The following CSMD3 variants were observed in gnomAD, a reference collection of about 807,000 sequenced individuals.
The protein encoded by CSMD3 is CUB and sushi domain-containing protein 3.
Under a neutral mutation model 435.2 loss-of-function variants are expected in CSMD3, and 177 were observed. The observed-to-expected ratio is 0.41, with a 90% CI of 0.36 to 0.46. CSMD3 has a LOEUF of 0.46. Ranked by LOEUF, CSMD3 falls within the 20% of genes least tolerant of loss-of-function variation. The probability of loss-of-function intolerance (pLI) is 0.34; values close to 1 mark genes in which losing one functional copy is unlikely to be tolerated. For missense variants in CSMD3, 4,265 were observed against 4,504.6 expected (o/e 0.95, Z 1.52); for synonymous variants, 1,656 against 1,520.5 (o/e 1.09, Z -2.07).
intron 9 of CSMD3, among the ~76,000 whole-genome samples, chr8:112,944,560 C>A (rs897297498): frequency 6.6e-6 from 1 of 151,722 alleles, no homozygotes; most frequent in Non-Finnish European, 1.5e-5. Flanking sequence ...CTTGAAGTCA[C>A]CAAGCTGTAA....
chr8:113,329,252 T>A (rs2094009055), intron 1 of CSMD3, among the ~76,000 whole-genome samples: 1 of 138,558 alleles, frequency 7.2e-6, no homozygotes, highest in South Asian at 2.3e-4. Flanking sequence ...ACTGAAAATG[T>A]ACAAATAATG....
At chr8:112,375,347 A>G (rs1828841984) in intron 38 of CSMD3, among the ~76,000 whole-genome samples, 1 of 152,164 alleles carries the variant, frequency 6.6e-6, no homozygotes, top group Non-Finnish European at 1.5e-5. Flanking sequence ...TAGGCACTCA[A>G]CATTACTTTC....
intron 5 of CSMD3, among the ~76,000 whole-genome samples, chr8:113,059,612 TG>T (rs2088514007): frequency 6.6e-6 from 1 of 152,200 alleles, no homozygotes; most frequent in Non-Finnish European, 1.5e-5. Context: ...ATTTGAAAAG[TG>T]GCTTAAATGT....
intron 31 of CSMD3, among the ~76,000 whole-genome samples, chr8:112,490,714 A>G (rs1820605297): frequency 6.6e-6 from 1 of 152,130 alleles, no homozygotes; most frequent in Admixed American, 6.5e-5. Flanking sequence ...CCAAATGATC[A>G]TTGACAGTAA....
chr8:113,357,061 C>T (rs1307702035), intron 1 of CSMD3, among the ~76,000 whole-genome samples: 1 of 152,036 alleles, frequency 6.6e-6, no homozygotes, highest in African/African-American at 2.4e-5. Flanking sequence ...AATATATATA[C>T]ATACATATAT....
chr8:113,248,595 G>GTATT (rs2093303823), intron 3 of CSMD3, among the ~76,000 whole-genome samples: 2 of 148,396 alleles, frequency 1.3e-5, no homozygotes, highest in Non-Finnish European at 3.0e-5. Context: ...AAATTGCCAT[G>GTATT]TATTTATTTA....
chr8:113,341,667 A>G (rs2094119720), intron 1 of CSMD3, among the ~76,000 whole-genome samples: 1 of 152,132 alleles, frequency 6.6e-6, no homozygotes, highest in African/African-American at 2.4e-5. Context: ...TTCAAATTTG[A>G]TTCCCGAAGG....
At chr8:113,038,443 T>G (rs536621691) in intron 5 of CSMD3, among the ~76,000 whole-genome samples, 5 of 152,316 alleles carry the variant, frequency 3.3e-5, no homozygotes, top group Admixed American at 3.3e-4. Flanking sequence ...GAGTCAGCTT[T>G]TTCATGCTAG....
chr8:112,692,917 C>G (rs1341725705), intron 13 of CSMD3, among the ~76,000 whole-genome samples: 17 of 8,566 alleles, frequency 2.0e-3, no homozygotes, highest in Non-Finnish European at 3.1e-3. Flanking sequence ...ATCTTTATAT[C>G]TATCTATCTA....
chr8:112,273,148 T>C (rs551229826), intron 59 of CSMD3, among the ~76,000 whole-genome samples: 80 of 152,240 alleles, frequency 5.3e-4, no homozygotes, highest in Non-Finnish European at 8.5e-4. Flanking sequence ...GACAATTCAA[T>C]AAAAATGTCA....
At chr8:112,556,677 A>G in intron 25 of CSMD3, 86 bp downstream of exon 25, 1 of 1,054,120 alleles carries the variant, frequency 9.5e-7, no homozygotes, top group Non-Finnish European at 1.5e-6. Context: ...TAGTTCTATG[A>G]GGACAGAAAG....
chr8:112,861,127 T>G (rs533257117), intron 10 of CSMD3, among the ~76,000 whole-genome samples: 1 of 151,844 alleles, frequency 6.6e-6, no homozygotes, highest in Non-Finnish European at 1.5e-5. Context: ...TGGAAACATC[T>G]CTGTTTTGCT....
At chr8:113,031,143 A>G (rs1334843415) in intron 5 of CSMD3, among the ~76,000 whole-genome samples, 1 of 151,682 alleles carries the variant, frequency 6.6e-6, no homozygotes, top group Non-Finnish European at 1.5e-5. Flanking sequence ...ACTATTGAGT[A>G]CTCATTATCC....
chr8:112,634,624 A>G (rs980006633), intron 22 of CSMD3, among the ~76,000 whole-genome samples: 23 of 152,098 alleles, frequency 1.5e-4, no homozygotes, highest in Non-Finnish European at 4.4e-5. Flanking sequence ...ACCAGTCTCA[A>G]AGAAACACCT....
intron 3 of CSMD3, among the ~76,000 whole-genome samples, chr8:113,216,223 A>C (rs2092903782): frequency 6.6e-6 from 1 of 151,912 alleles, no homozygotes; most frequent in African/African-American, 2.4e-5. Flanking sequence ...TTGATCTATA[A>C]GTGTTGTCTA....
At position 112,636,774 on chromosome 8, in the gene CSMD3, A is replaced by C. The variant is rs959614125; in HGVS notation, c.3715+43T>G. ...GGTGTAACCATGCAACTCCATGGACAGTGACTACACATACAAGCAAATGAA... is the reference window on the plus strand; with the variant it reads ...GGTGTAACCATGCAACTCCATGGACCGTGACTACACATACAAGCAAATGAA... On this transcript the variant is annotated intron_variant, in intron 22 of 70. Coordinates refer to ENST00000297405, the MANE Select transcript of CSMD3 (RefSeq NM_198123.2). The C allele has an allele frequency of 2.0e-6, 3 of 1,490,540 alleles. No homozygotes were observed. In the African/African-American group the frequency reaches 4.1e-5, roughly 21 times the overall value. The allele number at this position is 1,490,540 out of a possible 1,614,324, so 92.3% of individuals were successfully genotyped here.
chr8:112,939,991 G>A (rs1171019989), intron 9 of CSMD3, among the ~76,000 whole-genome samples: 1 of 151,902 alleles, frequency 6.6e-6, no homozygotes, highest in African/African-American at 2.4e-5. Context: ...GTGAAGTGGG[G>A]AGAGACAGAA....
intron 20 of CSMD3, 125 bp from the exon 21 acceptor site, chr8:112,639,036 C>T (rs1053512754): frequency 4.5e-6 from 3 of 670,466 alleles, no homozygotes; most frequent in Non-Finnish European, 7.9e-6. Flanking sequence ...AGAGGCATTG[C>T]TATAAAATAT....
chr8:113,076,361 C>G (rs2089337005), intron 5 of CSMD3, among the ~76,000 whole-genome samples: 1 of 151,818 alleles, frequency 6.6e-6, no homozygotes, highest in Non-Finnish European at 1.5e-5. Context: ...TTGGTCTAAT[C>G]CCTTATAATT....
Sources: allele counts gnomAD v4.1 joint callset (sites outside exome capture counted in the v4.1 genomes callset), GRCh38; gene constraint gnomAD v4.1.1; transcripts MANE v1.5; gene names NCBI Gene and HGNC (gene_info 2026-07-23, HGNC 2026-07-21).